Variants in THSD4 observed in about 807,000 individuals in gnomAD.
THSD4 encodes thrombospondin type 1 domain containing 4.
A neutral mutation model predicts 119.0 loss-of-function variants in THSD4; 69 were observed. The observed-to-expected ratio is 0.58, with a 90% confidence interval of 0.48 to 0.71. The LOEUF (loss-of-function observed/expected upper bound fraction) is 0.71, where lower values mean the gene tolerates loss of function less well. Among genes scored for constraint, THSD4 ranks in the 30% least tolerant of loss-of-function variants. The probability of loss-of-function intolerance (pLI) is 0.00; values close to 1 mark genes in which losing one functional copy is unlikely to be tolerated. For missense variants in THSD4, 1,393 were observed against 1,391.1 expected (o/e 1.00, Z -0.02); for synonymous variants, 524 against 540.4 (o/e 0.97, Z 0.42).
chr15:71,410,728 T>C (rs988098093), intron 6 of THSD4, among the ~76,000 whole-genome samples: 2 of 152,090 alleles, frequency 1.3e-5, no homozygotes, highest in East Asian at 1.9e-4. Context: ...TGCGTAGATA[T>C]TAAGTTTAAA....
chr15:71,698,498 TCAGGAG>T (rs2052212606), intron 8 of THSD4, among the ~76,000 whole-genome samples: 1 of 151,716 alleles, frequency 6.6e-6, no homozygotes, highest in African/African-American at 2.4e-5. Context: ...TATATCAGGA[TCAGGAG>T]ATCCTGATTT....
intron 8 of THSD4, among the ~76,000 whole-genome samples, chr15:71,675,313 C>A (rs999723770): frequency 6.6e-6 from 1 of 152,214 alleles, no homozygotes; most frequent in African/African-American, 2.4e-5. Context: ...TTTGGATTCT[C>A]ATAGAACTCT....
rs143699585 is a variant in THSD4, at chr15:71,147,310, T to C, written c.29+5754T>C. Among the ~76,000 whole-genome samples, 398 of 152,260 alleles carry C rather than the reference T, an allele frequency of 2.6e-3. 3 individuals are homozygous for C. The highest frequency in any genetic ancestry group is 9.5e-3 in the African/African-American group (395 of 41,560). The stretch of plus-strand genomic sequence containing the variant: ...ACCTCAAATGCCTGGGCTCAAACGA[T>C]CCTCCCACCTCAGCCTCCTGAGTAG... On this transcript the variant is annotated intron_variant, in intron 2 of 17. Coordinates refer to ENST00000261862, the MANE Select transcript of THSD4 (RefSeq NM_024817.3).
At chr15:71,599,999 C>T (rs911307384) in intron 7 of THSD4, among the ~76,000 whole-genome samples, 2 of 152,240 alleles carry the variant, frequency 1.3e-5, no homozygotes, top group African/African-American at 2.4e-5. Flanking sequence ...TGGTTAGTGT[C>T]TTCTTTCTGT....
intron 3 of THSD4, among the ~76,000 whole-genome samples, chr15:71,168,810 A>C (rs2043321865): frequency 6.6e-6 from 1 of 152,162 alleles, no homozygotes; most frequent in South Asian, 2.1e-4. Flanking sequence ...GCTACATAAA[A>C]CTCAAATTAT....
intron 1 of THSD4, among the ~76,000 whole-genome samples, chr15:71,130,886 A>G (rs1379653521): frequency 1.3e-5 from 2 of 152,110 alleles, no homozygotes; most frequent in African/African-American, 4.8e-5. Context: ...CTGGGACTAC[A>G]GGCGCCCGCT....
At chr15:71,256,754 A>T in intron 6 of THSD4, 39 bp downstream of exon 6, 1 of 1,577,520 alleles carries the variant, frequency 6.3e-7, no homozygotes, top group Non-Finnish European at 8.7e-7. Context: ...AAGTTACTTT[A>T]GTCTGTTTTC....
At chr15:71,383,284 C>A (rs59994907) in intron 6 of THSD4, among the ~76,000 whole-genome samples, 39,691 of 152,098 alleles carry the variant, frequency 0.26, 5,702 homozygotes, top group East Asian at 0.54. Context: ...TTTGACTTAT[C>A]CCCTTTTATC....
At chr15:71,278,126 CAG>C (rs2044612590) in intron 6 of THSD4, among the ~76,000 whole-genome samples, 1 of 152,172 alleles carries the variant, frequency 6.6e-6, no homozygotes, top group Non-Finnish European at 1.5e-5. Flanking sequence ...AGAAATAAAA[CAG>C]GGAGAAGTCC....
At chr15:71,235,688 G>A (rs1225421502) in intron 4 of THSD4, among the ~76,000 whole-genome samples, 35 of 149,290 alleles carry the variant, frequency 2.3e-4, no homozygotes, top group Admixed American at 2.2e-3. Flanking sequence ...CCCAGTTCAA[G>A]CAATTCTTGT....
At chr15:71,463,337 C>G (rs1008589302) in intron 7 of THSD4, among the ~76,000 whole-genome samples, 1 of 152,192 alleles carries the variant, frequency 6.6e-6, no homozygotes, top group Non-Finnish European at 1.5e-5. Context: ...GGACCCGTGA[C>G]AGAGCCATTT....
At chr15:71,758,910 C>T (rs923017922) in intron 15 of THSD4, among the ~76,000 whole-genome samples, 2 of 152,134 alleles carry the variant, frequency 1.3e-5, no homozygotes, top group Non-Finnish European at 2.9e-5. Context: ...AAGTCAGGAA[C>T]CATAAAAATG....
At chr15:71,460,852 C>T (rs537528982) in intron 7 of THSD4, among the ~76,000 whole-genome samples, 183 of 152,138 alleles carry the variant, frequency 1.2e-3, no homozygotes, top group Admixed American at 2.0e-3. Context: ...CCTGTGTCCC[C>T]GGTTTATACA....
At chr15:71,141,162 G>A (rs528837047) in intron 1 of THSD4, among the ~76,000 whole-genome samples, 1 of 152,370 alleles carries the variant, frequency 6.6e-6, no homozygotes, top group East Asian at 1.9e-4. Context: ...TCCAGCACAA[G>A]TGTGCCTAGC....
chr15:71,112,888 A>G (rs1479181114), upstream of THSD4, among the ~76,000 whole-genome samples: 3 of 152,234 alleles, frequency 2.0e-5, no homozygotes, highest in African/African-American at 7.2e-5. Flanking sequence ...TTTGTTTAAA[A>G]TGAGTATAGG....
At chr15:71,366,648 G>A (rs1596371050) in intron 6 of THSD4, among the ~76,000 whole-genome samples, 1 of 152,198 alleles carries the variant, frequency 6.6e-6, no homozygotes, top group East Asian at 1.9e-4. Flanking sequence ...CCTCTTATGT[G>A]GGATTTCAAA....
intron 6 of THSD4, among the ~76,000 whole-genome samples, chr15:71,392,093 A>G (rs900529263): frequency 6.6e-6 from 1 of 152,236 alleles, no homozygotes; most frequent in Non-Finnish European, 1.5e-5. Context: ...GGCTCTGACG[A>G]CAGCCCAAGA....
chr15:71,736,923 A>G (rs1249988758), intron 10 of THSD4, among the ~76,000 whole-genome samples: 3 of 152,202 alleles, frequency 2.0e-5, no homozygotes, highest in East Asian at 1.9e-4. Flanking sequence ...CACACAAATT[A>G]GTATCTCAAA....
intron 8 of THSD4, among the ~76,000 whole-genome samples, chr15:71,682,083 G>A (rs1215017209): frequency 6.6e-6 from 1 of 152,184 alleles, no homozygotes; most frequent in Non-Finnish European, 1.5e-5. Context: ...TGGAAAGGAT[G>A]AAGACATAGT....
Sources: allele counts gnomAD v4.1 joint callset (sites outside exome capture counted in the v4.1 genomes callset), GRCh38; gene constraint gnomAD v4.1.1; transcripts MANE v1.5; gene names NCBI Gene and HGNC (gene_info 2026-07-23, HGNC 2026-07-21).